SOX5: variants seen among roughly 807,000 people sequenced by gnomAD.
SOX5 encodes transcription factor SOX-5.
A neutral mutation model predicts 92.0 loss-of-function variants in SOX5; 9 were observed. The observed-to-expected ratio is 0.10, with a 90% CI of 0.06 to 0.17. The LOEUF (loss-of-function observed/expected upper bound fraction) is 0.17, where lower values mean the gene tolerates loss of function less well. SOX5 is among the 10% of genes least tolerant of loss of function. The probability of loss-of-function intolerance (pLI) is 1.00; values close to 1 mark genes in which losing one functional copy is unlikely to be tolerated. For missense variants in SOX5, 642 were observed against 944.5 expected (o/e 0.68, Z 4.20); for synonymous variants, 344 against 336.3 (o/e 1.02, Z -0.25).
chr12:23,998,063 G>A (rs770107336), intron 4 of SOX5, among the ~76,000 whole-genome samples: 1 of 151,986 alleles, frequency 6.6e-6, no homozygotes, highest in Non-Finnish European at 1.5e-5. Context: ...AGGAAACTGT[G>A]ACCCAAACAC....
In SOX5 at chr12:23,948,798, A is replaced by G. The variant is rs560097606; in HGVS notation, c.38+766T>C. On this transcript the variant is annotated intron_variant, in intron 1 of 14. Transcript: ENST00000451604. ...CCTGCTTTACTTGCAACAACATCAAATAAAAGGATGCTGCAGATATTTCTC... is the reference window on the plus strand; with the variant it reads ...CCTGCTTTACTTGCAACAACATCAAGTAAAAGGATGCTGCAGATATTTCTC... Among the ~76,000 whole-genome samples, 10 of 152,278 alleles carry G rather than the reference A, an allele frequency of 6.6e-5. No individual in the cohort carries two copies. The South Asian group carries it at 2.1e-3, about 32-fold the overall frequency.
chr12:24,436,123 A>C (rs1376973450), intron 1 of SOX5, among the ~76,000 whole-genome samples: 1 of 152,144 alleles, frequency 6.6e-6, no homozygotes, highest in African/African-American at 2.4e-5. Context: ...TATTGAAGTT[A>C]GGCCAGTTCA....
chr12:24,492,195 A>C (rs1003898904), intron 1 of SOX5, among the ~76,000 whole-genome samples: 3 of 152,182 alleles, frequency 2.0e-5, no homozygotes, highest in African/African-American at 7.2e-5. Flanking sequence ...AAAGGATTTC[A>C]TAATCCAAAG....
intron 1 of SOX5, among the ~76,000 whole-genome samples, chr12:24,416,573 T>G (rs549116583): frequency 5.9e-5 from 9 of 152,148 alleles, no homozygotes; most frequent in Non-Finnish European, 1.0e-4. Flanking sequence ...TGTAAAAATA[T>G]GAGCTAATGT....
intron 2 of SOX5, among the ~76,000 whole-genome samples, chr12:23,853,637 A>G (rs937910549): frequency 6.6e-6 from 1 of 151,346 alleles, no homozygotes; most frequent in African/African-American, 2.4e-5. Flanking sequence ...GAAATGCTGC[A>G]TTCAAGAATA....
chr12:24,257,988 C>T (rs1416124671), intron 3 of SOX5, among the ~76,000 whole-genome samples: 2 of 152,108 alleles, frequency 1.3e-5, no homozygotes, highest in East Asian at 3.9e-4. Context: ...TCCTGGCTAA[C>T]ATGGTGAAAC....
intron 1 of SOX5, among the ~76,000 whole-genome samples, chr12:24,526,756 G>A (rs1166641405): frequency 6.6e-6 from 1 of 152,008 alleles, no homozygotes; most frequent in African/African-American, 2.4e-5. Context: ...ACCAAAGCAG[G>A]TCCTGGGAAC....
chr12:24,301,881 C>A (rs1048588429), intron 2 of SOX5, among the ~76,000 whole-genome samples: 14 of 152,210 alleles, frequency 9.2e-5, no homozygotes, highest in African/African-American at 3.4e-4. Flanking sequence ...CAATTCTGTT[C>A]TTTGGGCAAA....
chr12:24,243,484 G>C (rs1356566352), intron 3 of SOX5, among the ~76,000 whole-genome samples: 1 of 152,042 alleles, frequency 6.6e-6, no homozygotes, highest in Non-Finnish European at 1.5e-5. Flanking sequence ...GTAATTCAAA[G>C]AGAAAAAGAA....
chr12:24,042,717 G>T (rs948685604), intron 4 of SOX5, among the ~76,000 whole-genome samples: 1 of 152,040 alleles, frequency 6.6e-6, no homozygotes, highest in African/African-American at 2.4e-5. Flanking sequence ...ATTTCACTGG[G>T]TGTGTACTTG....
At chr12:23,606,831 T>C (rs1052124522) in intron 8 of SOX5, among the ~76,000 whole-genome samples, 7 of 152,114 alleles carry the variant, frequency 4.6e-5, no homozygotes, top group African/African-American at 7.2e-5. Context: ...CTGAGTTAAA[T>C]TGTCCTAAAA....
chr12:23,762,426 T>C (rs775032671), intron 3 of SOX5: 22 of 389,942 alleles, frequency 5.6e-5, no homozygotes, highest in Non-Finnish European at 8.6e-5. Flanking sequence ...ATTCGTAATA[T>C]AACACATACC....
intron 2 of SOX5, among the ~76,000 whole-genome samples, chr12:23,863,754 A>T (rs879440677): frequency 6.6e-6 from 1 of 151,664 alleles, no homozygotes; most frequent in Non-Finnish European, 1.5e-5. Context: ...ATGAAAATTG[A>T]GCTATTTTGT....
intron 3 of SOX5, among the ~76,000 whole-genome samples, chr12:23,787,396 C>T (rs1488937297): frequency 6.6e-6 from 1 of 151,864 alleles, no homozygotes; most frequent in Non-Finnish European, 1.5e-5. Flanking sequence ...ATTTTCAATT[C>T]CTTTGTGACT....
intron 1 of SOX5, among the ~76,000 whole-genome samples, chr12:24,510,347 C>T: frequency 6.6e-6 from 1 of 152,218 alleles, no homozygotes. Context: ...AGAATAGATG[C>T]TTTGCTTATG....
At chr12:24,140,672 TC>T (rs1255735343) in intron 4 of SOX5, among the ~76,000 whole-genome samples, 1 of 152,104 alleles carries the variant, frequency 6.6e-6, no homozygotes, top group Non-Finnish European at 1.5e-5. Context: ...TAGAAAATTC[TC>T]CCCCCTCAAC....
At chr12:24,392,830 G>C (rs1876516) in intron 1 of SOX5, among the ~76,000 whole-genome samples, 1 of 152,038 alleles carries the variant, frequency 6.6e-6, no homozygotes, top group Non-Finnish European at 1.5e-5. Flanking sequence ...ACACATCTAA[G>C]ACTATAACTT....
intron 1 of SOX5, among the ~76,000 whole-genome samples, chr12:24,404,712 T>A (rs947681409): frequency 1.3e-5 from 2 of 152,178 alleles, no homozygotes; most frequent in Admixed American, 1.3e-4. Context: ...GCATGGGAAC[T>A]TCAAGGTCTG....
chr12:23,921,538 C>T (rs1422260994), intron 1 of SOX5, among the ~76,000 whole-genome samples: 1 of 152,126 alleles, frequency 6.6e-6, no homozygotes, highest in Non-Finnish European at 1.5e-5. Context: ...GGGGACATGT[C>T]TGTCACAGCA....
Sources: gnomAD v4.1 joint callset for allele counts (sites outside exome capture counted in the v4.1 genomes callset) on GRCh38, gnomAD v4.1.1 for gene constraint, MANE v1.5 for transcripts, NCBI Gene and HGNC (gene_info 2026-07-23, HGNC 2026-07-21) for gene names.